The following OPRK1 variants were observed in gnomAD, a reference collection of about 807,000 sequenced individuals.
The protein encoded by OPRK1 is kappa-type opioid receptor.
Under a neutral mutation model 24.5 loss-of-function variants are expected in OPRK1, and 15 were observed. That is an observed-to-expected ratio of 0.61 (90% CI 0.41 to 0.94). The LOEUF (loss-of-function observed/expected upper bound fraction) is 0.94, where lower values mean the gene tolerates loss of function less well. Among genes scored for constraint, OPRK1 ranks in the 40% least tolerant of loss-of-function variants. The pLI is 0.00. For synonymous variants in OPRK1, 205 were observed against 198.0 expected, an observed-to-expected ratio of 1.04 and a Z score of -0.30; for missense variants, 479 against 507.3, an observed-to-expected ratio of 0.94 and a Z score of 0.54.
At chr8:53,232,778 T>C (rs1053575994) in intron 3 of OPRK1, among the ~76,000 whole-genome samples, 2 of 152,216 alleles carry the variant, frequency 1.3e-5, no homozygotes, top group African/African-American at 4.8e-5. Flanking sequence ...AACTAAAGCT[T>C]TTCTTGTGTG....
chr8:53,242,961 C>A, intron 2 of OPRK1: 3 of 1,277,786 alleles, frequency 2.3e-6, no homozygotes, highest in Non-Finnish European at 3.1e-6. Flanking sequence ...ATAGTATTAT[C>A]CCCACTCCTA....
intron 2 of OPRK1, 36 bp downstream of exon 2, chr8:53,250,745 G>A: frequency 1.3e-6 from 2 of 1,517,720 alleles, no homozygotes; most frequent in Middle Eastern, 1.8e-4. Context: ...TCCCTGCCCC[G>A]CCCAGCCCCC....
At chr8:53,234,726 T>C (rs750391189) in intron 3 of OPRK1, 33 bp downstream of exon 3, 3 of 1,563,840 alleles carry the variant, frequency 1.9e-6, no homozygotes, top group African/African-American at 1.4e-5. Flanking sequence ...TGAAGCTACA[T>C]TTTTATGAAC....
intron 2 of OPRK1, among the ~76,000 whole-genome samples, chr8:53,247,501 T>C (rs1807260533): frequency 6.6e-6 from 1 of 152,164 alleles, no homozygotes; most frequent in African/African-American, 2.4e-5. Flanking sequence ...AAATGTTAGT[T>C]ATCTTCTTTA....
intron 2 of OPRK1, chr8:53,238,470 C>T (rs913750685): frequency 9.1e-6 from 8 of 878,884 alleles, no homozygotes; most frequent in East Asian, 1.2e-4. Context: ...AAAAACAGTA[C>T]GGTGCATGGA....
chr8:53,250,925 C>T lies in OPRK1; in HGVS notation c.113G>A (p.Ser38Asn), dbSNP rs748102975. 32 of 1,611,862 alleles carry T rather than the reference C, an allele frequency of 2.0e-5. No individual in the cohort carries two copies. Among genetic ancestry groups the T allele is most frequent in the Non-Finnish European group, 2.7e-5 (32 of 1,179,190 alleles). Residue 38 changes from serine to asparagine, a missense_variant, in exon 2 of 4, where the codon AGC becomes AAC. By Grantham distance (46) the Ser-to-Asn change is conservative (BLOSUM62 1). Transcript: ENST00000265572. ...AWFPGWAEPD[S>N]NGSAGSEDAQ... ...GTCCTCCGAGCCGGCGCTGCCGTTGCTGTCGGGCTCGGCCCAGCCGGGAAA... is the reference window on the plus strand; with the variant it reads ...GTCCTCCGAGCCGGCGCTGCCGTTGTTGTCGGGCTCGGCCCAGCCGGGAAA...
chr8:53,237,726 T>C (rs1807027018), intron 2 of OPRK1, among the ~76,000 whole-genome samples: 1 of 152,206 alleles, frequency 6.6e-6, no homozygotes, highest in Non-Finnish European at 1.5e-5. Flanking sequence ...CAGCACTTTG[T>C]AATTTGCAAA....
chr8:53,237,828 T>C (rs567490434), intron 2 of OPRK1, among the ~76,000 whole-genome samples: 3 of 152,296 alleles, frequency 2.0e-5, no homozygotes, highest in East Asian at 1.9e-4. Context: ...TTCCCTCATA[T>C]AGCTGAAGAA....
At chr8:53,238,704 G>A in intron 2 of OPRK1, 1 of 985,490 alleles carries the variant, frequency 1.0e-6, no homozygotes. Context: ...GTGTGATGGT[G>A]AGGGGAACAA....
chr8:53,234,676 A>T (rs1027414301), intron 3 of OPRK1, 83 bp downstream of exon 3: 2 of 1,198,916 alleles, frequency 1.7e-6, no homozygotes, highest in African/African-American at 3.0e-5. Context: ...TCCACTAAAT[A>T]TGTGGCCTAC....
At chr8:53,240,767 G>T (rs942511224) in intron 2 of OPRK1, among the ~76,000 whole-genome samples, 13 of 151,996 alleles carry the variant, frequency 8.6e-5, no homozygotes, top group African/African-American at 2.2e-4. Context: ...TTTACAGCAG[G>T]GGGCTAGCAT....
At chr8:53,234,732 T>C in intron 3 of OPRK1, 27 bp downstream of exon 3, 2 of 1,570,472 alleles carry the variant, frequency 1.3e-6, no homozygotes, top group Non-Finnish European at 1.7e-6. Flanking sequence ...TACATTTTTA[T>C]GAACAGAATG....
chr8:53,250,972 C>G lies in OPRK1; in HGVS notation c.66G>C (p.Leu22=). Residue 22 remains leucine, a synonymous_variant, in exon 2 of 4, where the codon CTG becomes CTC. Transcript: ENST00000265572. ...PGPTCAPSAC[L]PPNSSAWFPG... ...GAAACCAGGCGCTGCTGTTGGGGGGCAGGCAGGCGCTCGGGGCGCAGGTAG... is the reference window on the plus strand; with the variant it reads ...GAAACCAGGCGCTGCTGTTGGGGGGGAGGCAGGCGCTCGGGGCGCAGGTAG... 1 of 1,603,892 alleles carries G rather than the reference C, an allele frequency of 6.2e-7. No individual in the cohort carries two copies. The highest frequency in any genetic ancestry group is 8.5e-7 in the Non-Finnish European group (1 of 1,175,482).
At chr8:53,249,440 T>C (rs1585525616) in intron 2 of OPRK1, among the ~76,000 whole-genome samples, 2 of 152,322 alleles carry the variant, frequency 1.3e-5, no homozygotes, top group South Asian at 4.1e-4. Context: ...AAATATTCCT[T>C]CCTTCTATAA....
rs867033950 is a variant in OPRK1, at chr8:53,250,630, T to G, written c.257+151A>C. The G allele has an allele frequency of 3.6e-6, 3 of 834,808 alleles. No individual in the cohort carries two copies. The Middle Eastern group carries it at 8.2e-4, about 228-fold the overall frequency. The allele number at this position is 834,808 out of a possible 1,614,324, so 51.7% of individuals were successfully genotyped here. ...CTCCCAGAAAATCCTTCACCTCTTC[T>G]AGGAAGCCACCCTGTAGCATTTCCA... On this transcript the variant is annotated intron_variant, in intron 2 of 3. Coordinates refer to ENST00000265572, the MANE Select transcript of OPRK1 (RefSeq NM_000912.5).
Position 53,229,574 on chromosome 8 carries a change from G to C in OPRK1, c.866C>G (p.Pro289Arg). ...VVAVFVVCWT[P>R]IHIFILVEAL... ...CTCCACCAGGATGAATATGTGAATG[G>C]GAGTCCAGCAGACGACGAAGACTGC... is the stretch of plus-strand genomic sequence containing the variant. The change falls in exon 4 of 4, where the codon CCC becomes CGC. Residue 289 changes from proline to arginine, a missense_variant. Coordinates refer to ENST00000265572, the MANE Select transcript of OPRK1 (RefSeq NM_000912.5). 1 of 1,614,196 alleles carries C rather than the reference G, an allele frequency of 6.2e-7. No homozygotes were observed. Among genetic ancestry groups the C allele is most frequent in the South Asian group, 1.1e-5 (1 of 91,070 alleles).
chr8:53,232,991 G>T (rs940346896), intron 3 of OPRK1, among the ~76,000 whole-genome samples: 3 of 152,098 alleles, frequency 2.0e-5, no homozygotes, highest in African/African-American at 7.2e-5. Context: ...ATTTCTATTT[G>T]CTGTAGGCAT....
chr8:53,231,294 GA>G (rs914177242), intron 3 of OPRK1, among the ~76,000 whole-genome samples: 7 of 151,184 alleles, frequency 4.6e-5, no homozygotes, highest in Non-Finnish European at 8.9e-5. Context: ...GGTGACACAT[GA>G]AAAAAAAATC....
chr8:53,240,564 T>C (rs1231469619), intron 2 of OPRK1, among the ~76,000 whole-genome samples: 1 of 152,040 alleles, frequency 6.6e-6, no homozygotes, highest in Non-Finnish European at 1.5e-5. Flanking sequence ...TGATGGAAGA[T>C]GAGCATGGTC....
Sources: allele counts gnomAD v4.1 joint callset (sites outside exome capture counted in the v4.1 genomes callset), GRCh38; gene constraint gnomAD v4.1.1; transcripts MANE v1.5; gene names NCBI Gene and HGNC (gene_info 2026-07-23, HGNC 2026-07-21).